Variants in STK31 observed in about 807,000 individuals in gnomAD.
STK31 encodes the protein serine/threonine-protein kinase 31.
In STK31, 89 loss-of-function variants were observed where a neutral mutation model predicts 129.7. The ratio of observed to expected loss-of-function variants is 0.69; its 90% confidence interval spans 0.58 to 0.82. The LOEUF (loss-of-function observed/expected upper bound fraction) is 0.82. Ranked by LOEUF, STK31 falls within the 40% of genes least tolerant of loss-of-function variation. The pLI is 0.00. For synonymous variants in STK31, 448 were observed against 395.3 expected, an observed-to-expected ratio of 1.13 and a Z score of -1.58; for missense variants, 1,187 against 1,176.4, an observed-to-expected ratio of 1.01 and a Z score of -0.13.
rs186870796 is a variant in STK31, at chr7:23,710,746, C to T, written c.50+411C>T. 5,830 of 1,051,480 alleles carry T rather than the reference C, an allele frequency of 5.5e-3. 17 individuals are homozygous for T. The highest frequency in any genetic ancestry group is 6.3e-3 in the Non-Finnish European group (5,451 of 868,908). The allele number at this position is 1,051,480 out of a possible 1,614,324, so 65.1% of individuals were successfully genotyped here. ...GATCTCTGTTTGCAGAAAGTGGGTACGGCATCAGTGCCTTCATAATCAGGG... is the reference window on the plus strand; with the variant it reads ...GATCTCTGTTTGCAGAAAGTGGGTATGGCATCAGTGCCTTCATAATCAGGG... On this transcript the variant is annotated intron_variant, in intron 1 of 23. Transcript: ENST00000355870.
At chr7:23,718,130 A>T (rs1375977346) in intron 4 of STK31, among the ~76,000 whole-genome samples, 1 of 152,190 alleles carries the variant, frequency 6.6e-6, no homozygotes, top group African/African-American at 2.4e-5. Context: ...AGTTAAAAAT[A>T]GGAAAAGTAG....
At chr7:23,814,749 T>TA (rs1793364686) in intron 22 of STK31, among the ~76,000 whole-genome samples, 1 of 152,136 alleles carries the variant, frequency 6.6e-6, no homozygotes, top group African/African-American at 2.4e-5. Flanking sequence ...TTCTGAAGTT[T>TA]TTTTTTAAGT....
chr7:23,806,422 A>G (rs1373532498), intron 22 of STK31, among the ~76,000 whole-genome samples: 1 of 152,192 alleles, frequency 6.6e-6, no homozygotes, highest in Non-Finnish European at 1.5e-5. Context: ...GACTTGTGAT[A>G]AGCTCTCCCA....
At chr7:23,750,714 T>G (rs542547027) in intron 8 of STK31, among the ~76,000 whole-genome samples, 1 of 152,336 alleles carries the variant, frequency 6.6e-6, no homozygotes, top group South Asian at 2.1e-4. Flanking sequence ...TCCACAAATT[T>G]GAAGATTTCC....
Position 23,769,086 on chromosome 7 carries a change from G to A in STK31, c.1508G>A (p.Cys503Tyr). 1 of 1,613,386 alleles carries A rather than the reference G, an allele frequency of 6.2e-7. No individual in the cohort carries two copies. The highest frequency in any genetic ancestry group is 1.1e-5 in the South Asian group (1 of 90,892). ...EILKKFYDWK[C>Y]DKREEFTSVR... ...CTTAAAAAATTTTATGACTGGAAGT[G>A]TGATAAAAGAGAGGAGTTCACCAGT... The change falls in exon 12 of 24, where the codon TGT (cysteine) becomes TAT (tyrosine). Residue 503 changes from cysteine to tyrosine, a missense_variant. Cys to Tyr is a radical substitution (Grantham distance 194, BLOSUM62 -2). Coordinates refer to ENST00000355870, the MANE Select transcript of STK31 (RefSeq NM_031414.5).
chr7:23,785,973 C>G (rs1206266536), intron 18 of STK31, among the ~76,000 whole-genome samples: 1 of 151,852 alleles, frequency 6.6e-6, no homozygotes, highest in Non-Finnish European at 1.5e-5. Flanking sequence ...TGCACATGTA[C>G]CCTAGAACTT....
chr7:23,830,851 C>T (rs1794502857), intron 23 of STK31, among the ~76,000 whole-genome samples: 1 of 152,112 alleles, frequency 6.6e-6, no homozygotes, highest in African/African-American at 2.4e-5. Context: ...AACTCCTGAC[C>T]TTAAGTGATC....
chr7:23,734,783 G>A lies in STK31; in HGVS notation c.484-755G>A, dbSNP rs528247140. Among the ~76,000 whole-genome samples the A allele has an allele frequency of 6.6e-5, 10 of 152,204 alleles. No individual in the cohort carries two copies. The East Asian group carries it at 9.7e-4, about 15-fold the overall frequency. On this transcript the variant is annotated intron_variant, in intron 6 of 23. Coordinates refer to ENST00000355870, the MANE Select transcript of STK31 (RefSeq NM_031414.5). Reference sequence around the variant, plus strand: ...AGTTTGAGACCAGCTCAACTGACACGGTGAAACCCCATCTCTACTAAAAAT... The same window carrying A: ...AGTTTGAGACCAGCTCAACTGACACAGTGAAACCCCATCTCTACTAAAAAT...
chr7:23,790,691 A>G, intron 21 of STK31, 133 bp from the exon 22 acceptor site: 1 of 936,464 alleles, frequency 1.1e-6, no homozygotes, highest in Non-Finnish European at 1.5e-6. Context: ...AGAAATTGGT[A>G]AAAATATTTG....
At chr7:23,766,861 A>C (rs768374624) in intron 11 of STK31, among the ~76,000 whole-genome samples, 2 of 152,118 alleles carry the variant, frequency 1.3e-5, no homozygotes, top group African/African-American at 4.8e-5. Flanking sequence ...TCTATTGTTT[A>C]AAATCTTTTT....
chr7:23,733,025 T>G (rs1396683000), intron 6 of STK31, among the ~76,000 whole-genome samples: 1 of 152,146 alleles, frequency 6.6e-6, no homozygotes, highest in Admixed American at 6.5e-5. Flanking sequence ...TGGACTGTAT[T>G]TGTTATTTAT....
intron 15 of STK31, among the ~76,000 whole-genome samples, chr7:23,773,785 T>A (rs1790353861): frequency 6.6e-6 from 1 of 152,076 alleles, no homozygotes; most frequent in African/African-American, 2.4e-5. Flanking sequence ...TTGTTTTTTT[T>A]TTCATTATTA....
rs752061636 is a variant in STK31, at chr7:23,710,326, A to G, written c.41A>G (p.Glu14Gly). The G allele has an allele frequency of 1.2e-6, 2 of 1,613,252 alleles. No homozygotes were observed. The highest frequency in any genetic ancestry group is 1.7e-6 in the Non-Finnish European group (2 of 1,179,934). ...CACTCTTCTAGAGCTTCCGCAACGG[A>G]AAGTGTGAGGTCAGTAGTAGTTTTT... ...QGHSSRASATESVSFSGIVQM... is the reference protein window; with the variant it reads ...QGHSSRASATGSVSFSGIVQM... The change falls in exon 1 of 24, where the codon GAA becomes GGA. Residue 14 changes from glutamate (E) to glycine (G), a missense_variant. Physicochemically the swap from Glu to Gly is moderately conservative, Grantham distance 98. Coordinates refer to ENST00000355870, the MANE Select transcript of STK31 (RefSeq NM_031414.5).
In STK31 at chr7:23,825,904, T is replaced by A. The variant is rs532208966; in HGVS notation, c.2830-6232T>A. On this transcript the variant is annotated intron_variant, in intron 23 of 23. Coordinates refer to ENST00000355870, the MANE Select transcript of STK31 (RefSeq NM_031414.5). ...GTTGTTCAGTTTCCATGTAGTTGAG[T>A]GGTTTTGAGTGAGTTTCTTAATCCT... is the stretch of plus-strand genomic sequence containing the variant. 2.0e-5 allele frequency among the ~76,000 whole-genome samples: 3 copies of A among 151,984 alleles called. No individual in the cohort carries two copies. The South Asian group carries it at 6.2e-4, about 32-fold the overall frequency.
chr7:23,824,699 GT>G (rs1457624044), intron 23 of STK31, among the ~76,000 whole-genome samples: 5 of 152,134 alleles, frequency 3.3e-5, no homozygotes, highest in Non-Finnish European at 7.3e-5. Flanking sequence ...AATGCTTCCA[GT>G]TTTTGTACAT....
intron 23 of STK31, among the ~76,000 whole-genome samples, chr7:23,828,139 A>C (rs1221988597): frequency 6.6e-6 from 1 of 152,140 alleles, no homozygotes; most frequent in Non-Finnish European, 1.5e-5. Context: ...AGGGACACTT[A>C]AGTCTGCAGA....
rs879311911 is a variant in STK31, at chr7:23,761,708, GT to G, written c.1294-1081del. ...CAGGCGTGGGCCACCGTGCCCAGAT[GT>G]TTTTTTTTTTTAATGATGAAAACAG... On this transcript the variant is annotated intron_variant, in intron 10 of 23. Transcript: ENST00000355870. Among the ~76,000 whole-genome samples, 465 of 142,118 alleles carry G rather than the reference GT, an allele frequency of 3.3e-3. 10 individuals are homozygous for G. Among genetic ancestry groups the G allele is most frequent in the African/African-American group, 9.9e-3 (388 of 39,110 alleles). The allele number at this position is 142,118 out of a possible 152,430, so 93.2% of individuals were successfully genotyped here.
chr7:23,762,750 C>T (rs777575751), intron 10 of STK31, 51 bp from the exon 11 acceptor site: 22 of 1,587,468 alleles, frequency 1.4e-5, no homozygotes, highest in East Asian at 6.9e-5. Flanking sequence ...AGGTCATATG[C>T]GGAAAAGACC....
rs189203911 is a variant in STK31 at position 23,754,556 on chromosome 7, A to G, written c.1293+82A>G. On this transcript the variant is annotated intron_variant, in intron 10 of 23. Coordinates refer to ENST00000355870, the MANE Select transcript of STK31 (RefSeq NM_031414.5). ...TTTTTTAATTTCTTCTAAAAAAAAT[A>G]ACAGGATACATGTGCAGAATGTGCA... 4.3e-3 allele frequency: 6,190 copies of G among 1,442,404 alleles called. 31 individuals are homozygous for G. Among genetic ancestry groups the G allele is most frequent in the Middle Eastern group, 8.2e-3 (45 of 5,474 alleles). The allele number at this position is 1,442,404 out of a possible 1,614,324, so 89.4% of individuals were successfully genotyped here.
Sources: allele counts gnomAD v4.1 joint callset (sites outside exome capture counted in the v4.1 genomes callset), GRCh38; gene constraint gnomAD v4.1.1; transcripts MANE v1.5; gene names NCBI Gene and HGNC (gene_info 2026-07-23, HGNC 2026-07-21).